Variants in CEP192 observed in about 807,000 individuals in gnomAD.
CEP192 encodes the protein centrosomal protein of 192 kDa.
In CEP192, 151 loss-of-function variants were observed where a neutral mutation model predicts 271.8. The observed-to-expected ratio is 0.56, with a 90% confidence interval of 0.49 to 0.64. CEP192 has a LOEUF of 0.64. Among genes scored for constraint, CEP192 ranks in the 30% least tolerant of loss-of-function variants. The probability of loss-of-function intolerance (pLI) is 0.00; values close to 1 mark genes in which losing one functional copy is unlikely to be tolerated. For missense variants in CEP192, 2,910 were observed against 3,020.5 expected (o/e 0.96, Z 0.86); for synonymous variants, 995 against 1,076.5 (o/e 0.92, Z 1.48).
At chr18:13,058,305 A>T (rs2037221826) in intron 20 of CEP192, 4 of 152,372 alleles carry the variant, frequency 2.6e-5, no homozygotes, top group Admixed American at 2.0e-4. Context: ...GACCATTTGA[A>T]CATTGGTGAG....
At chr18:13,113,017 A>G (rs1362461846) in intron 40 of CEP192, among the ~76,000 whole-genome samples, 1 of 152,256 alleles carries the variant, frequency 6.6e-6, no homozygotes, top group Admixed American at 6.5e-5. Context: ...CAGGTTGTAC[A>G]CATGCAGGGT....
chr18:13,055,283 A>C (rs1489518037), intron 18 of CEP192, among the ~76,000 whole-genome samples: 1 of 151,680 alleles, frequency 6.6e-6, no homozygotes, highest in East Asian at 1.9e-4. Context: ...CTGTCTCAAA[A>C]AAAAAAAAAA....
At chr18:13,005,185 G>A (rs1462146491) in intron 3 of CEP192, among the ~76,000 whole-genome samples, 1 of 152,194 alleles carries the variant, frequency 6.6e-6, no homozygotes, top group Non-Finnish European at 1.5e-5. Flanking sequence ...CCACTTGTCA[G>A]AGCTTGGGGG....
chr18:13,011,512 C>T (rs927834732), intron 4 of CEP192, among the ~76,000 whole-genome samples: 6 of 105,924 alleles, frequency 5.7e-5, no homozygotes, highest in African/African-American at 3.0e-4. Flanking sequence ...CACACAGAAA[C>T]TTTGTTTTGT....
At chr18:13,094,611 C>T (rs1237989592) in intron 34 of CEP192, among the ~76,000 whole-genome samples, 2 of 152,172 alleles carry the variant, frequency 1.3e-5, no homozygotes, top group Non-Finnish European at 2.9e-5. Flanking sequence ...AACCATTTCT[C>T]TCCGAAGCTG....
Position 13,096,260 on chromosome 18 carries a change from A to G in CEP192, c.6510A>G (p.Pro2170=), listed in dbSNP as rs1022497213. The G allele has an allele frequency of 2.5e-6, 4 of 1,613,952 alleles. No individual in the cohort carries two copies. Among genetic ancestry groups the G allele is most frequent in the African/African-American group, 2.7e-5 (2 of 74,940 alleles). ...TACTGAGATTTGAGCTGTGCTGGCC[A>G]GCGCATTGCCTCACAGTCACGCCGC... The part of the protein sequence containing the change: ...VRLLRFELCW[P]AHCLTVTPQH... Residue 2170 remains proline (P), a synonymous_variant, in exon 36 of 45, where the codon CCA becomes CCG. Transcript: ENST00000506447.
intron 4 of CEP192, among the ~76,000 whole-genome samples, chr18:13,011,940 G>A (rs1217913115): frequency 6.6e-6 from 1 of 152,172 alleles, no homozygotes; most frequent in African/African-American, 2.4e-5. Flanking sequence ...AATGTAGTAT[G>A]GCCACATGAG....
At chr18:13,042,032 G>T (rs1695727988) in intron 14 of CEP192, among the ~76,000 whole-genome samples, 172 bp from the exon 15 acceptor site, 1 of 152,200 alleles carries the variant, frequency 6.6e-6, no homozygotes, top group South Asian at 2.1e-4. Flanking sequence ...CTATGTTGTT[G>T]TTCTCTGTCC....
intron 15 of CEP192, among the ~76,000 whole-genome samples, chr18:13,047,360 TAC>T (rs35070042): frequency 4.0e-5 from 6 of 150,754 alleles, no homozygotes; most frequent in Non-Finnish European, 7.4e-5. Flanking sequence ...CCCTCAAACA[TAC>T]ACACACACAC....
Position 13,115,691 on chromosome 18 carries a change from G to C in CEP192, c.7290-686G>C, listed in dbSNP as rs2040396951. ...GGATAAAGGGGATGGCTGTGAGAGGGTCGGCTCCCAGATACCATTCAGCAA... is the reference window on the plus strand; with the variant it reads ...GGATAAAGGGGATGGCTGTGAGAGGCTCGGCTCCCAGATACCATTCAGCAA... On this transcript the variant is annotated intron_variant, in intron 42 of 44. Transcript: ENST00000506447. Among the ~76,000 whole-genome samples the C allele has an allele frequency of 1.3e-5, 2 of 152,270 alleles. 1 individual carries two copies. The highest frequency in any genetic ancestry group is 4.1e-4 in the South Asian group (2 of 4,822).
rs573145358 is a variant in CEP192, at chr18:13,073,081, A to G, written c.5512A>G (p.Ile1838Val). 73 of 1,613,840 alleles carry G rather than the reference A, an allele frequency of 4.5e-5. No homozygotes were observed. The highest frequency in any genetic ancestry group is 1.7e-4 in the Middle Eastern group (1 of 6,060). ...GATCAGAATTCACCCAAAGGAAGAC[A>G]TTTTCATCTCTGTATTATTTGCACC... ...CEIRIHPKEDIFISVLFAPTR... is the reference protein window; with the variant it reads ...CEIRIHPKEDVFISVLFAPTR... Residue 1838 changes from isoleucine (I) to valine (V), a missense_variant, in exon 30 of 45, where the codon ATT (isoleucine) becomes GTT (valine). Coordinates refer to ENST00000506447, the MANE Select transcript of CEP192 (RefSeq NM_032142.4).
rs116721202 is a variant in CEP192 at position 13,045,217 on chromosome 18, C to T, written c.2067+2883C>T. On this transcript the variant is annotated intron_variant, in intron 15 of 44. Transcript: ENST00000506447. ...CTCAATTCTGTTTGTCTTTCTATTT[C>T]CTATTTTCTGGTCTTCATTTCTTTC... 3.0e-3 allele frequency among the ~76,000 whole-genome samples: 453 copies of T among 151,878 alleles called. 6 individuals are homozygous for T. The East Asian group carries it at 0.037, about 12-fold the overall frequency.
At chr18:13,038,607 C>G in intron 13 of CEP192, 28 bp downstream of exon 13, 1 of 1,480,422 alleles carries the variant, frequency 6.8e-7, no homozygotes, top group Non-Finnish European at 9.2e-7. Flanking sequence ...TGGAAGTGCT[C>G]ACAGTCACCA....
chr18:13,029,565 A>C (rs2035496753), intron 9 of CEP192, 98 bp from the exon 10 acceptor site: 7 of 721,424 alleles, frequency 9.7e-6, no homozygotes, highest in South Asian at 8.8e-5. Context: ...TAAACATTTT[A>C]TATCAACTAT....
chr18:13,122,680 G>A (rs1230435314), intron 44 of CEP192, among the ~76,000 whole-genome samples: 1 of 152,218 alleles, frequency 6.6e-6, no homozygotes, highest in Non-Finnish European at 1.5e-5. Flanking sequence ...GCAGGGAGTT[G>A]GGGGCTGAGT....
intron 30 of CEP192, among the ~76,000 whole-genome samples, chr18:13,084,171 C>T (rs1307586952): frequency 2.0e-5 from 3 of 152,168 alleles, no homozygotes; most frequent in African/African-American, 4.8e-5. Context: ...CAGACAGGGA[C>T]GTTTAAGTCT....
intron 21 of CEP192, among the ~76,000 whole-genome samples, chr18:13,061,193 G>A (rs1021946240): frequency 3.3e-5 from 5 of 152,084 alleles, no homozygotes; most frequent in Admixed American, 2.6e-4. Flanking sequence ...TGTGGTGGCG[G>A]GCGCCTGTAA....
At chr18:13,118,470 C>T (rs1314378622) in intron 44 of CEP192, among the ~76,000 whole-genome samples, 2 of 152,174 alleles carry the variant, frequency 1.3e-5, no homozygotes, top group African/African-American at 4.8e-5. Context: ...AGGACTGTTC[C>T]TTCCACCTTA....
chr18:13,032,312 G>A (rs115030294), intron 11 of CEP192, among the ~76,000 whole-genome samples: 91 of 152,272 alleles, frequency 6.0e-4, no homozygotes, highest in African/African-American at 2.2e-3. Flanking sequence ...GTTACTTGGG[G>A]CAATGGCGAT....
Sources: gnomAD v4.1 joint callset for allele counts (sites outside exome capture counted in the v4.1 genomes callset) on GRCh38, gnomAD v4.1.1 for gene constraint, MANE v1.5 for transcripts, NCBI Gene and HGNC (gene_info 2026-07-23, HGNC 2026-07-21) for gene names.